Variants in CDH12 observed in about 807,000 individuals in gnomAD.
CDH12 encodes cadherin 12, also known as cadherin-12.
In CDH12, 41 loss-of-function variants were observed where a neutral mutation model predicts 74.1. That is an observed-to-expected ratio of 0.55 (90% confidence interval 0.43 to 0.72). CDH12 has a LOEUF of 0.72. Among genes scored for constraint, CDH12 ranks in the 30% least tolerant of loss-of-function variants. CDH12 has a pLI of 0.00. For missense variants in CDH12, 945 were observed against 977.2 expected (o/e 0.97, Z 0.44); for synonymous variants, 399 against 355.0 (o/e 1.12, Z -1.39).
At chr5:21,973,200 C>A (rs982026933) in intron 6 of CDH12, among the ~76,000 whole-genome samples, 3 of 151,968 alleles carry the variant, frequency 2.0e-5, no homozygotes, top group African/African-American at 7.2e-5. Context: ...GACCAAGACC[C>A]AGTCTCAAAA....
At chr5:22,548,216 C>T (rs1428733670) in intron 1 of CDH12, among the ~76,000 whole-genome samples, 6 of 152,070 alleles carry the variant, frequency 3.9e-5, no homozygotes, top group Admixed American at 2.0e-4. Flanking sequence ...ATCATGTTGA[C>T]GTAGTTGGTC....
At chr5:22,351,117 G>A (rs958253558) in intron 3 of CDH12, among the ~76,000 whole-genome samples, 2 of 152,100 alleles carry the variant, frequency 1.3e-5, no homozygotes, top group African/African-American at 4.8e-5. Context: ...TAAAATCTCA[G>A]TGGCAGCAAA....
At chr5:22,055,756 A>G (rs994792689) in intron 5 of CDH12, among the ~76,000 whole-genome samples, 2 of 152,078 alleles carry the variant, frequency 1.3e-5, no homozygotes, top group Non-Finnish European at 2.9e-5. Context: ...TCTTTAAAAT[A>G]TGAATATGAC....
chr5:22,597,534 C>G (rs949474791), intron 1 of CDH12, among the ~76,000 whole-genome samples: 2 of 152,078 alleles, frequency 1.3e-5, no homozygotes, highest in Non-Finnish European at 2.9e-5. Flanking sequence ...TGACTGATTC[C>G]TCATTATTCA....
At chr5:22,261,331 C>T (rs1387928599) in intron 3 of CDH12, among the ~76,000 whole-genome samples, 1 of 151,668 alleles carries the variant, frequency 6.6e-6, no homozygotes, top group Non-Finnish European at 1.5e-5. Context: ...TGATTTATTT[C>T]CCATCACCAT....
At chr5:21,904,055 G>T (rs1753522345) in intron 6 of CDH12, among the ~76,000 whole-genome samples, 1 of 152,070 alleles carries the variant, frequency 6.6e-6, no homozygotes, top group Admixed American at 6.6e-5. Flanking sequence ...AACCATCAGG[G>T]ATCTGCCTCT....
chr5:22,736,392 C>T (rs548315031), intron 1 of CDH12, among the ~76,000 whole-genome samples: 3 of 151,528 alleles, frequency 2.0e-5, no homozygotes, highest in East Asian at 3.9e-4. Flanking sequence ...GTGTTATTTG[C>T]AAAAGATATT....
intron 1 of CDH12, among the ~76,000 whole-genome samples, chr5:22,537,865 C>G (rs1286350024): frequency 6.6e-6 from 1 of 152,230 alleles, no homozygotes; most frequent in East Asian, 1.9e-4. Flanking sequence ...CTTCTGAAGA[C>G]TTTAAGAAAA....
intron 1 of CDH12, among the ~76,000 whole-genome samples, chr5:22,565,980 T>C (rs1739263050): frequency 6.6e-6 from 1 of 152,148 alleles, no homozygotes; most frequent in Non-Finnish European, 1.5e-5. Context: ...TGGAAGCCGA[T>C]TTCTAAATTT....
chr5:22,433,016 C>T (rs1329026889), intron 2 of CDH12, among the ~76,000 whole-genome samples: 3 of 152,098 alleles, frequency 2.0e-5, no homozygotes, highest in Non-Finnish European at 4.4e-5. Context: ...ACATTCACTA[C>T]TTTCCCAGAA....
intron 3 of CDH12, among the ~76,000 whole-genome samples, chr5:22,335,504 G>A (rs906813878): frequency 1.1e-4 from 16 of 151,942 alleles, no homozygotes; most frequent in Non-Finnish European, 2.1e-4. Flanking sequence ...AGAATGGCGT[G>A]AACCTGGGAG....
chr5:22,009,939 C>CAAAAAAAAA (rs774589642), intron 5 of CDH12, among the ~76,000 whole-genome samples: 53 of 53,970 alleles, frequency 9.8e-4, no homozygotes, highest in African/African-American at 1.9e-3. Context: ...GAAACTGTCT[C>CAAAAAAAAA]AAAAAAAAAA....
intron 6 of CDH12, among the ~76,000 whole-genome samples, chr5:21,972,584 T>C (rs184800675): frequency 2.0e-4 from 31 of 152,274 alleles, no homozygotes; most frequent in African/African-American, 6.7e-4. Flanking sequence ...TCGAGTACTC[T>C]AGGAACATAG....
At chr5:22,642,109 T>C (rs1415992294) in intron 1 of CDH12, among the ~76,000 whole-genome samples, 1 of 151,994 alleles carries the variant, frequency 6.6e-6, no homozygotes, top group Non-Finnish European at 1.5e-5. Flanking sequence ...AGTAATAGAG[T>C]GGAATAATGC....
intron 9 of CDH12, among the ~76,000 whole-genome samples, chr5:21,809,736 T>G (rs1419872620): frequency 2.6e-5 from 4 of 152,148 alleles, no homozygotes; most frequent in Admixed American, 1.3e-4. Flanking sequence ...TTTAAACATC[T>G]TATATATTTC....
chr5:22,640,204 C>T (rs1739073267), intron 1 of CDH12, among the ~76,000 whole-genome samples: 1 of 152,100 alleles, frequency 6.6e-6, no homozygotes, highest in Non-Finnish European at 1.5e-5. Context: ...GCCTCCATGA[C>T]AAATTTTCTT....
intron 3 of CDH12, among the ~76,000 whole-genome samples, chr5:22,356,835 A>T (rs1488824195): frequency 3.9e-5 from 6 of 152,134 alleles, no homozygotes; most frequent in Non-Finnish European, 8.8e-5. Flanking sequence ...ACTAAAAACA[A>T]GATTGCGTAT....
At chr5:22,820,922 A>C (rs1184164222) in intron 1 of CDH12, among the ~76,000 whole-genome samples, 3 of 152,194 alleles carry the variant, frequency 2.0e-5, no homozygotes, top group Non-Finnish European at 4.4e-5. Flanking sequence ...CCTGGCAGAG[A>C]CACAACCAAA....
At chr5:22,339,215 T>G (rs987094598) in intron 3 of CDH12, among the ~76,000 whole-genome samples, 4 of 152,212 alleles carry the variant, frequency 2.6e-5, no homozygotes, top group Non-Finnish European at 5.9e-5. Flanking sequence ...TAATTTTGTC[T>G]GCATTTTTGC....
Sources: allele counts gnomAD v4.1 joint callset (sites outside exome capture counted in the v4.1 genomes callset), GRCh38; gene constraint gnomAD v4.1.1; transcripts MANE v1.5; gene names NCBI Gene and HGNC (gene_info 2026-07-23, HGNC 2026-07-21).